Variants in PDE1C observed in about 807,000 individuals in gnomAD.
PDE1C encodes the protein dual specificity calcium/calmodulin-dependent 3',5'-cyclic nucleotide phosphodiesterase 1C.
In PDE1C, 62 loss-of-function variants were observed where a neutral mutation model predicts 93.1. That is an observed-to-expected ratio of 0.67 (90% confidence interval 0.54 to 0.82). The LOEUF (loss-of-function observed/expected upper bound fraction) is 0.82, where lower values mean the gene tolerates loss of function less well. PDE1C is among the 40% of genes least tolerant of loss of function. The pLI is 0.00. For synonymous variants in PDE1C, 325 were observed against 310.1 expected (o/e 1.05, Z -0.50); for missense variants, 742 against 884.6 (o/e 0.84, Z 2.04).
intron 2 of PDE1C, among the ~76,000 whole-genome samples, chr7:32,050,088 T>C (rs532878000): frequency 1.3e-5 from 2 of 152,158 alleles, no homozygotes; most frequent in Non-Finnish European, 2.9e-5. Context: ...TATCTAAACA[T>C]ATCTAAACAT....
At position 31,897,923 on chromosome 7, in the gene PDE1C, A is replaced by C. The variant is rs183373476; in HGVS notation, c.129-17063T>G. ...CAACAATAATTTGTTTACTCACCACAGAACATTCTCAATTACAATGCTGGT... is the reference window on the plus strand; with the variant it reads ...CAACAATAATTTGTTTACTCACCACCGAACATTCTCAATTACAATGCTGGT... On this transcript the variant is annotated intron_variant, in intron 2 of 17. Coordinates refer to ENST00000396191, the MANE Select transcript of PDE1C (RefSeq NM_001191057.4). 9.0e-4 allele frequency among the ~76,000 whole-genome samples: 137 copies of C among 152,160 alleles called. 1 individual carries two copies. The East Asian group carries it at 0.023, about 26-fold the overall frequency.
chr7:32,070,032 G>A (rs1795842831), intron 1 of PDE1C, among the ~76,000 whole-genome samples: 1 of 152,152 alleles, frequency 6.6e-6, no homozygotes, highest in Non-Finnish European at 1.5e-5. Context: ...CACCATAACT[G>A]ACTCATCAAA....
At chr7:31,714,142 G>A in the PDE1C span, among the ~76,000 whole-genome samples, 1 of 152,142 alleles carries the variant, frequency 6.6e-6, no homozygotes, top group Non-Finnish European at 1.5e-5. Context: ...GCTTTTAACA[G>A]CACCCAAGTC....
At chr7:31,720,168 T>C in the PDE1C span, among the ~76,000 whole-genome samples, 2 of 22,216 alleles carry the variant, frequency 9.0e-5, no homozygotes, top group African/African-American at 2.0e-4. Context: ...AGACTCCGTC[T>C]CAAAAAAAAA....
intron 1 of PDE1C, among the ~76,000 whole-genome samples, chr7:32,345,333 C>A (rs2116671): frequency 0.087 from 13,216 of 152,230 alleles, 666 homozygotes; most frequent in East Asian, 0.13. Context: ...CCCTCATTTT[C>A]TCTTGTGTTT....
At chr7:32,409,845 A>G (rs942108591) in intron 1 of PDE1C, among the ~76,000 whole-genome samples, 1 of 151,796 alleles carries the variant, frequency 6.6e-6, no homozygotes, top group Non-Finnish European at 1.5e-5. Flanking sequence ...ACATATATAC[A>G]TATATGCATA....
intron 2 of PDE1C, among the ~76,000 whole-genome samples, chr7:31,896,571 A>G (rs1391553034): frequency 6.6e-6 from 1 of 152,180 alleles, no homozygotes; most frequent in Non-Finnish European, 1.5e-5. Context: ...TGATAAAGAG[A>G]TAAGAATAGG....
chr7:31,915,379 G>A (rs1197636475), intron 2 of PDE1C, among the ~76,000 whole-genome samples: 1 of 152,162 alleles, frequency 6.6e-6, no homozygotes, highest in East Asian at 1.9e-4. Context: ...TTGTCAAGAT[G>A]TGGCTGTATC....
chr7:32,375,068 T>C (rs1457658840), intron 1 of PDE1C, among the ~76,000 whole-genome samples: 1 of 152,138 alleles, frequency 6.6e-6, no homozygotes, highest in Non-Finnish European at 1.5e-5. Context: ...TATAAAATTG[T>C]GAGTGAGGAT....
At chr7:31,823,049 T>C (rs1379812799) in intron 14 of PDE1C, 24 bp downstream of exon 14, 1 of 1,577,984 alleles carries the variant, frequency 6.3e-7, no homozygotes, top group African/African-American at 1.4e-5. Context: ...CTGAATTGGT[T>C]TGGACAGGTC....
chr7:31,998,254 C>CAG (rs1284522243), intron 2 of PDE1C, among the ~76,000 whole-genome samples: 1 of 152,044 alleles, frequency 6.6e-6, no homozygotes, highest in Admixed American at 6.6e-5. Context: ...CTCCTGACCT[C>CAG]GTGATTCTCC....
intron 2 of PDE1C, among the ~76,000 whole-genome samples, chr7:32,192,517 T>C: frequency 6.6e-6 from 1 of 152,284 alleles, no homozygotes; most frequent in East Asian, 1.9e-4. Flanking sequence ...TGGATTCATT[T>C]CTGGGTTTTC....
At chr7:32,288,031 C>T (rs574902989) in intron 1 of PDE1C, among the ~76,000 whole-genome samples, 1 of 152,258 alleles carries the variant, frequency 6.6e-6, no homozygotes, top group African/African-American at 2.4e-5. Flanking sequence ...GGTGAAACCC[C>T]ATCTCCCAGC....
intron 1 of PDE1C, among the ~76,000 whole-genome samples, chr7:32,261,104 C>G (rs1018108272): frequency 1.3e-5 from 2 of 151,774 alleles, no homozygotes; most frequent in Admixed American, 1.3e-4. Flanking sequence ...AGCGAGACTT[C>G]GTCTCAGAAA....
chr7:31,793,835 CTAAA>C (rs1389224480), intron 16 of PDE1C, among the ~76,000 whole-genome samples: 9 of 151,824 alleles, frequency 5.9e-5, no homozygotes, highest in Middle Eastern at 3.4e-3. Context: ...TCTCCTTGCC[CTAAA>C]TAATAGAGCA....
In PDE1C at chr7:31,824,935, G is replaced by C; in HGVS notation, c.1338C>G (p.Thr446=). The C allele has an allele frequency of 6.2e-7, 1 of 1,613,248 alleles. No homozygotes were observed. The highest frequency in any genetic ancestry group is 1.7e-5 in the Admixed American group (1 of 59,954). The change falls in exon 13 of 18, where the codon ACC becomes ACG. Residue 446 remains threonine, a synonymous_variant. Coordinates refer to ENST00000396191, the MANE Select transcript of PDE1C (RefSeq NM_001191057.4). ...CGATTAATGGACTCACAATCTTCTC[G>C]GTCATGTCCGTAAGCACAGTGAAGG... ...EPTFTVLTDM[T]EKIVSPLIDE...
At chr7:32,173,109 C>T (rs1369452251) in intron 2 of PDE1C, among the ~76,000 whole-genome samples, 1 of 152,150 alleles carries the variant, frequency 6.6e-6, no homozygotes, top group Non-Finnish European at 1.5e-5. Flanking sequence ...GGAGCCAACC[C>T]AAATGCCCAT....
rs528427897 is a variant in PDE1C, at chr7:32,010,614, A to C, written c.128+40940T>G. On this transcript the variant is annotated intron_variant, in intron 2 of 17. Transcript: ENST00000396191. ...GCAATGTCTGCCATAGAAAAGTATCACAAACCAGGTCACTATAAAATCAGA... is the reference window on the plus strand; with the variant it reads ...GCAATGTCTGCCATAGAAAAGTATCCCAAACCAGGTCACTATAAAATCAGA... Among the ~76,000 whole-genome samples, 4 of 152,352 alleles carry C rather than the reference A, an allele frequency of 2.6e-5. No homozygotes were observed. In the South Asian group the frequency reaches 6.2e-4, roughly 24 times the overall value.
intron 1 of PDE1C, among the ~76,000 whole-genome samples, chr7:32,287,624 T>TAA (rs1812076350): frequency 6.6e-6 from 1 of 152,214 alleles, no homozygotes; most frequent in Non-Finnish European, 1.5e-5. Flanking sequence ...AAAGACAGGC[T>TAA]AAGTGAGTGG....
Sources: gnomAD v4.1 joint callset for allele counts (sites outside exome capture counted in the v4.1 genomes callset) on GRCh38, gnomAD v4.1.1 for gene constraint, MANE v1.5 for transcripts, NCBI Gene and HGNC (gene_info 2026-07-23, HGNC 2026-07-21) for gene names.